Variants in DUOX1 observed in about 807,000 individuals in gnomAD.
The protein encoded by DUOX1 is dual oxidase 1.
A neutral mutation model predicts 181.8 loss-of-function variants in DUOX1; 134 were observed. The observed-to-expected ratio is 0.74, with a 90% CI of 0.64 to 0.85. DUOX1 has a LOEUF of 0.85. Among genes scored for constraint, DUOX1 ranks in the 40% least tolerant of loss-of-function variants. The pLI is 0.00. For missense variants in DUOX1, 1,814 were observed against 2,064.4 expected, an observed-to-expected ratio of 0.88 and a Z score of 2.35; for synonymous variants, 798 against 832.5, an observed-to-expected ratio of 0.96 and a Z score of 0.71.
intron 29 of DUOX1, 72 bp downstream of exon 29, chr15:45,161,062 C>T (rs1777116344): frequency 6.3e-7 from 1 of 1,599,962 alleles, no homozygotes; most frequent in Non-Finnish European, 8.5e-7. Flanking sequence ...GTCTAGACCG[C>T]ACAGTCTCCT....
At chr15:45,138,882 G>A (rs932805419) in intron 10 of DUOX1, 184 bp from the exon 11 acceptor site, 1 of 600,900 alleles carries the variant, frequency 1.7e-6, no homozygotes, top group Non-Finnish European at 2.9e-6. Context: ...AGCACTGACA[G>A]AGGGGACACC....
In DUOX1 at chr15:45,164,811, C is replaced by T. The variant is rs748159123; in HGVS notation, c.4566C>T (p.Pro1522=). ...VRKIGVFSCG[P]PGMTKNVEKA... is the part of the protein sequence containing the mutation. ...AGATCGGGGTGTTTAGCTGTGGCCC[C>T]CCTGGCATGACCAAGAATGTGGAAA... Residue 1522 remains proline (P), a synonymous_variant, in exon 34 of 34, where the codon CCC becomes CCT. Coordinates refer to ENST00000389037, the MANE Select transcript of DUOX1 (RefSeq NM_175940.3). 1 of 1,614,168 alleles carries T rather than the reference C, an allele frequency of 6.2e-7. No individual in the cohort carries two copies. The highest frequency in any genetic ancestry group is 8.5e-7 in the Non-Finnish European group (1 of 1,180,018).
chr15:45,140,828 A>G, intron 12 of DUOX1, 67 bp from the exon 13 acceptor site: 3 of 1,519,846 alleles, frequency 2.0e-6, no homozygotes, highest in Non-Finnish European at 2.7e-6. Context: ...AATCCCTGGG[A>G]GCCACCTCTT....
chr15:45,141,889 C>G (rs1003316642), intron 14 of DUOX1, 86 bp from the exon 15 acceptor site: 1 of 1,498,356 alleles, frequency 6.7e-7, no homozygotes, highest in Non-Finnish European at 8.9e-7. Context: ...CCCCCACCCC[C>G]TTTCTGCCAC....
Position 45,151,904 on chromosome 15 carries a change from T to C in DUOX1, c.3045T>C (p.Thr1015=). 1.2e-6 allele frequency: 2 copies of C among 1,613,414 alleles called. No individual in the cohort carries two copies. The highest frequency in any genetic ancestry group is 1.7e-6 in the Non-Finnish European group (2 of 1,179,760). The change falls in exon 24 of 34, where the codon ACT becomes ACC. Residue 1015 remains threonine (T), a synonymous_variant. Coordinates refer to ENST00000389037, the MANE Select transcript of DUOX1 (RefSeq NM_175940.3). ...KVTSFQPLLF[T]EAHREKFQRS... is the part of the protein sequence containing the mutation. Reference sequence around the variant, plus strand: ...CGTCATTCCAGCCCTTGCTGTTCACTGAGGCGCACCGAGAGAAGTTCCAAC... The same window carrying C: ...CGTCATTCCAGCCCTTGCTGTTCACCGAGGCGCACCGAGAGAAGTTCCAAC...
intron 33 of DUOX1, among the ~76,000 whole-genome samples, chr15:45,164,349 C>T (rs904645403): frequency 6.6e-6 from 1 of 152,196 alleles, no homozygotes. Context: ...CACTGATTAA[C>T]CCAACCTCTA....
chr15:45,153,210 G>C, intron 25 of DUOX1, 170 bp from the exon 26 acceptor site: 1 of 478,156 alleles, frequency 2.1e-6, no homozygotes, highest in South Asian at 2.5e-5. Context: ...GACAGAGTGA[G>C]ACTCCATCTA....
intron 27 of DUOX1, among the ~76,000 whole-genome samples, chr15:45,155,152 C>T (rs79984579): frequency 0.023 from 3,536 of 152,376 alleles, 64 homozygotes; most frequent in Non-Finnish European, 0.035. Context: ...ATAGGGCCCA[C>T]GGTGTGCCAG....
chr15:45,140,043 G>T lies in DUOX1; in HGVS notation c.1389+444G>T, dbSNP rs1467721843. Reference sequence around the variant, plus strand: ...AGAGCCTGAGGCGGAGGCCCAGCATGCCTTACCCATTCCTGGTGTTCTCAA... The same window carrying T: ...AGAGCCTGAGGCGGAGGCCCAGCATTCCTTACCCATTCCTGGTGTTCTCAA... On this transcript the variant is annotated intron_variant, in intron 12 of 33. Coordinates refer to ENST00000389037, the MANE Select transcript of DUOX1 (RefSeq NM_175940.3). The T allele has an allele frequency of 2.9e-6, 4 of 1,368,992 alleles. No individual in the cohort carries two copies. The Admixed American group carries it at 7.5e-5, about 26-fold the overall frequency. 84.8% of individuals were successfully genotyped at this position (1,368,992 alleles called of 1,614,324 possible).
chr15:45,158,915 A>C (rs1349216865), intron 28 of DUOX1, among the ~76,000 whole-genome samples: 2 of 152,120 alleles, frequency 1.3e-5, no homozygotes, highest in Non-Finnish European at 2.9e-5. Context: ...GAGTGTTCCA[A>C]ACAGTAAGTT....
chr15:45,152,418 T>C lies in DUOX1; in HGVS notation c.3326T>C (p.Ile1109Thr). 1 of 1,614,176 alleles carries C rather than the reference T, an allele frequency of 6.2e-7. No homozygotes were observed. The change falls in exon 25 of 34, where the codon ATC (isoleucine) becomes ACC (threonine). Residue 1109 changes from isoleucine to threonine, a missense_variant. Physicochemically the swap from Ile to Thr is moderately conservative, Grantham distance 89 (BLOSUM62 -1). Around this residue, in one of 5 missense-constraint regions of DUOX1, gnomAD observed 1,064 missense variants for 1,152.9 expected, o/e 0.92. Transcript: ENST00000389037. Reference sequence around the variant, plus strand: ...TTGCTCACCATGTGCCGCAACCTCATCACCTTCCTGCGAGAAACCTTCCTC... The same window carrying C: ...TTGCTCACCATGTGCCGCAACCTCACCACCTTCCTGCGAGAAACCTTCCTC... Reference protein sequence around the residue: ...YILLTMCRNLITFLRETFLNR... With the variant: ...YILLTMCRNLTTFLRETFLNR...
rs375019577 is a variant in DUOX1 at position 45,133,998 on chromosome 15, G to C, written c.142+51G>C. ...AACCCCAGGGCCAGGGGGGTACTGAGTGCTGCGGGGCAAGAGCTGGCAAGT... is the reference window on the plus strand; with the variant it reads ...AACCCCAGGGCCAGGGGGGTACTGACTGCTGCGGGGCAAGAGCTGGCAAGT... On this transcript the variant is annotated intron_variant, in intron 3 of 33. Coordinates refer to ENST00000389037, the MANE Select transcript of DUOX1 (RefSeq NM_175940.3). 1.4e-5 allele frequency: 22 copies of C among 1,600,104 alleles called. No homozygotes were observed. In the African/African-American group the frequency reaches 2.5e-4, roughly 19 times the overall value.
intron 19 of DUOX1, 120 bp downstream of exon 19, chr15:45,147,778 G>C: frequency 6.5e-7 from 1 of 1,543,796 alleles, no homozygotes; most frequent in Non-Finnish European, 8.9e-7. Flanking sequence ...GCCGAGGTCA[G>C]GAAGCAGAGC....
chr15:45,134,682 A>G (rs1284059221), intron 4 of DUOX1, among the ~76,000 whole-genome samples: 1 of 152,164 alleles, frequency 6.6e-6, no homozygotes, highest in African/African-American at 2.4e-5. Flanking sequence ...GGCTTCTAGG[A>G]CAGGCTCAGG....
In DUOX1 at chr15:45,132,542, T is replaced by G. The variant is rs117366857; in HGVS notation, c.58+518T>G. The stretch of plus-strand genomic sequence containing the variant: ...CTGAGGCTGCTCTCTGCAGTCCGGA[T>G]CTCTGTGGAGGGAAGTGGGCCTACA... On this transcript the variant is annotated intron_variant, in intron 2 of 33. Transcript: ENST00000389037. 2.0e-4 allele frequency among the ~76,000 whole-genome samples: 30 copies of G among 152,342 alleles called. No individual in the cohort carries two copies. The East Asian group carries it at 5.4e-3, about 27-fold the overall frequency.
At chr15:45,135,001 G>T in intron 4 of DUOX1, 103 bp from the exon 5 acceptor site, 3 of 1,403,842 alleles carry the variant, frequency 2.1e-6, no homozygotes, top group Non-Finnish European at 2.9e-6. Flanking sequence ...AATGGCTGCT[G>T]AGTCTTTTGA....
rs149431580 is a variant in DUOX1, at chr15:45,151,158, G to T, written c.2924G>T (p.Ser975Ile). 1.5e-3 allele frequency: 2,444 copies of T among 1,614,176 alleles called. 27 individuals carry two copies. The African/African-American group carries it at 0.023, about 15-fold the overall frequency. Residue 975 changes from serine (S) to isoleucine (I), a missense_variant, in exon 23 of 34, where the codon AGC (serine) becomes ATC (isoleucine). Around this residue, in one of 5 missense-constraint regions of DUOX1, gnomAD observed 1,064 missense variants for 1,152.9 expected, o/e 0.92. Coordinates refer to ENST00000389037, the MANE Select transcript of DUOX1 (RefSeq NM_175940.3). ...SPRVSARCSR[S>I]DIETELTPQR... Reference sequence around the variant, plus strand: ...AGAGTGAGTGCCCGCTGTTCCCGCAGCGACATTGAGACTGAGTTGACACCT... The same window carrying T: ...AGAGTGAGTGCCCGCTGTTCCCGCATCGACATTGAGACTGAGTTGACACCT...
rs1018658566 is a variant in DUOX1, at chr15:45,131,924, C to T, written c.-43C>T. 1 of 1,600,720 alleles carries T rather than the reference C, an allele frequency of 6.2e-7. No homozygotes were observed. Among genetic ancestry groups the T allele is most frequent in the East Asian group, 2.2e-5 (1 of 44,808 alleles). ...TTTGCCTGTCTTTTTCTAGGGTCTCCATTTTGGGACATTCTAATCCCTGAG... is the reference window on the plus strand; with the variant it reads ...TTTGCCTGTCTTTTTCTAGGGTCTCTATTTTGGGACATTCTAATCCCTGAG... On this transcript the variant is annotated 5_prime_UTR_variant, in exon 2 of 34. Coordinates refer to ENST00000389037, the MANE Select transcript of DUOX1 (RefSeq NM_175940.3).
chr15:45,135,632 G>T lies in DUOX1; in HGVS notation c.654G>T (p.Ala218=). The T allele has an allele frequency of 6.5e-6, 10 of 1,545,440 alleles. No individual in the cohort carries two copies. The highest frequency in any genetic ancestry group is 8.7e-6 in the Non-Finnish European group (10 of 1,145,802). The stretch of plus-strand genomic sequence containing the variant: ...AGAACCCCCTGCTCATGTGGGCGGC[G>T]CCCGACCCCGCCACCGGGCAGAACG... ...DSQNPLLMWA[A]PDPATGQNGP... is the part of the protein sequence containing the mutation. The change falls in exon 6 of 34, where the codon GCG becomes GCT. Residue 218 remains alanine, a synonymous_variant. Coordinates refer to ENST00000389037, the MANE Select transcript of DUOX1 (RefSeq NM_175940.3).
Sources: gnomAD v4.1 joint callset for allele counts (sites outside exome capture counted in the v4.1 genomes callset) on GRCh38, gnomAD v4.1.1 for gene constraint, gnomAD v4.1.1 regional missense constraint, MANE v1.5 for transcripts, NCBI Gene and HGNC (gene_info 2026-07-23, HGNC 2026-07-21) for gene names.